Variants in OR13G1 observed in about 807,000 individuals in gnomAD.
OR13G1 encodes the protein olfactory receptor 13G1.
For synonymous variants in OR13G1, 128 were observed against 136.2 expected, an observed-to-expected ratio of 0.94 and a Z score of 0.42; for missense variants, 369 against 385.7, an observed-to-expected ratio of 0.96 and a Z score of 0.36.
At position 247,672,491 on chromosome 1, in the gene OR13G1, A is replaced by G. The variant is rs1659229767; in HGVS notation, c.551T>C (p.Leu184Ser). 6.2e-7 allele frequency: 1 copy of G among 1,614,170 alleles called. No individual in the cohort carries two copies. The highest frequency in any genetic ancestry group is 1.3e-5 in the African/African-American group (1 of 75,058). ...FFCEIPPLLA[L>S]SCSPVRINEV... ...ATTGATTCTTACAGGGCTACAGGACAAAGCCAGCAATGGGGGTATCTCACA... is the reference window on the plus strand; with the variant it reads ...ATTGATTCTTACAGGGCTACAGGACGAAGCCAGCAATGGGGGTATCTCACA... Residue 184 changes from leucine (L) to serine (S), a missense_variant, in exon 2 of 2, where the codon TTG becomes TCG. By Grantham distance (145) the Leu-to-Ser change is moderately radical. Coordinates refer to ENST00000642119, the MANE Select transcript of OR13G1 (RefSeq NM_001005487.2).
intron 1 of OR13G1, among the ~76,000 whole-genome samples, chr1:247,678,658 A>G (rs892406830): frequency 1.3e-5 from 2 of 152,234 alleles, no homozygotes; most frequent in Admixed American, 1.3e-4. Flanking sequence ...GAAAGTAGCT[A>G]CTTCTTAATT....
intron 1 of OR13G1, among the ~76,000 whole-genome samples, chr1:247,676,295 G>A (rs189678509): frequency 8.8e-4 from 134 of 152,104 alleles, no homozygotes; most frequent in African/African-American, 3.1e-3. Context: ...ATATAATTTT[G>A]AAAAATCATG....
intron 1 of OR13G1, among the ~76,000 whole-genome samples, chr1:247,679,378 A>G (rs1339625972): frequency 1.3e-5 from 2 of 152,120 alleles, no homozygotes; most frequent in Non-Finnish European, 2.9e-5. Flanking sequence ...ATGAAAGGAA[A>G]AATTTTGAAA....
chr1:247,676,344 G>A (rs2103158315), intron 1 of OR13G1, among the ~76,000 whole-genome samples: 1 of 152,154 alleles, frequency 6.6e-6, no homozygotes, highest in African/African-American at 2.4e-5. Context: ...TAATGAGGGA[G>A]TTTTTTACTA....
At chr1:247,675,676 C>T (rs1018412338) in intron 1 of OR13G1, among the ~76,000 whole-genome samples, 49 of 152,086 alleles carry the variant, frequency 3.2e-4, no homozygotes, top group African/African-American at 1.2e-3. Context: ...ACTATGAAAA[C>T]CTTGTTCAGG....
intron 1 of OR13G1, among the ~76,000 whole-genome samples, chr1:247,675,305 A>G (rs1295301238): frequency 6.6e-6 from 1 of 152,000 alleles, no homozygotes; most frequent in Admixed American, 6.6e-5. Flanking sequence ...TTATTTATCA[A>G]TGTTATTTAT....
chr1:247,678,392 C>T (rs766061238), intron 1 of OR13G1, among the ~76,000 whole-genome samples: 2 of 152,126 alleles, frequency 1.3e-5, no homozygotes, highest in South Asian at 4.1e-4. Flanking sequence ...TATCGGCACA[C>T]GTTTAAAGGG....
At chr1:247,678,121 T>C (rs1157952599) in intron 1 of OR13G1, among the ~76,000 whole-genome samples, 2 of 152,084 alleles carry the variant, frequency 1.3e-5, no homozygotes, top group East Asian at 1.9e-4. Flanking sequence ...ATTAATAATA[T>C]TTATGTCACT....
At position 247,673,185 on chromosome 1, in the gene OR13G1, T is replaced by A; in HGVS notation, c.-144A>T. The A allele has an allele frequency of 4.7e-6, 3 of 639,604 alleles. No individual in the cohort carries two copies. Among genetic ancestry groups the A allele is most frequent in the Non-Finnish European group, 8.1e-6 (3 of 372,304 alleles). 39.6% of individuals were successfully genotyped at this position (639,604 alleles called of 1,614,324 possible). On this transcript the variant is annotated 5_prime_UTR_variant, in exon 2 of 2. Transcript: ENST00000642119. ...ATTGGACACAACTTTGCAGCAGGAA[T>A]TCCCATTTGATGGAGTTCTGTATTC... is the stretch of plus-strand genomic sequence containing the variant.
rs938122106 is a variant in OR13G1, at chr1:247,673,108, T to C, written c.-67A>G. On this transcript the variant is annotated 5_prime_UTR_variant, in exon 2 of 2. Transcript: ENST00000642119. ...CAACTGAAAATGGAAAGAATCCCTG[T>C]GTTGTTAGGAGATAACATGAGGAGT... 3 of 1,232,074 alleles carry C rather than the reference T, an allele frequency of 2.4e-6. No homozygotes were observed. The highest frequency in any genetic ancestry group is 3.4e-6 in the Non-Finnish European group (3 of 872,516). The allele number at this position is 1,232,074 out of a possible 1,614,324, so 76.3% of individuals were successfully genotyped here. A position where few individuals can be genotyped will look rare whatever the true frequency, so the allele number is the denominator to read the frequency against.
chr1:247,674,407 C>G (rs993118783), intron 1 of OR13G1, among the ~76,000 whole-genome samples: 1 of 152,128 alleles, frequency 6.6e-6, no homozygotes, highest in Non-Finnish European at 1.5e-5. Flanking sequence ...TTTGAGTGTG[C>G]GTCCACAAAT....
At position 247,672,780 on chromosome 1, in the gene OR13G1, T is replaced by C. The variant is rs1413359811; in HGVS notation, c.262A>G (p.Thr88Ala). ...MLGTMLTSEN[T>A]ISYAGCMSQL... ...GACATGCAGCCTGCATATGAAATGG[T>C]ATTTTCTGATGTTAGCATGGTCCCC... is the stretch of plus-strand genomic sequence containing the variant. Residue 88 changes from threonine to alanine, a missense_variant, in exon 2 of 2, where the codon ACC becomes GCC. Thr to Ala is a moderately conservative substitution (Grantham distance 58). Transcript: ENST00000642119. 6.2e-7 allele frequency: 1 copy of C among 1,613,922 alleles called. No individual in the cohort carries two copies. Among genetic ancestry groups the C allele is most frequent in the Admixed American group, 1.7e-5 (1 of 59,926 alleles).
At position 247,673,015 on chromosome 1, in the gene OR13G1, G is replaced by A. The variant is rs760889320; in HGVS notation, c.27C>T (p.Phe9=). 66 of 1,612,610 alleles carry A rather than the reference G, an allele frequency of 4.1e-5. No homozygotes were observed. The highest frequency in any genetic ancestry group is 5.5e-5 in the Non-Finnish European group (65 of 1,179,328). MNHSVVTE[F]IILGLTKKPE... ...GCTTTTTGGTGAGGCCCAGAATAAT[G>A]AACTCAGTTACAACGCTGTGATTCA... The change falls in exon 2 of 2, where the codon TTC becomes TTT. Residue 9 remains phenylalanine (F), a synonymous_variant. Transcript: ENST00000642119.
Position 247,672,712 on chromosome 1 carries a change from A to G in OR13G1, c.330T>C (p.Val110=). Residue 110 remains valine (V), a synonymous_variant, in exon 2 of 2, where the codon GTT becomes GTC. Coordinates refer to ENST00000642119, the MANE Select transcript of OR13G1 (RefSeq NM_001005487.2). ...GGTCATAGGCCATGGTGGTGAAGAG[A>G]ACCATCTCAGCTCCCAGAGACCATG... ...LFTWSLGAEM[V]LFTTMAYDRY... 6.2e-7 allele frequency: 1 copy of G among 1,613,992 alleles called. No homozygotes were observed. The highest frequency in any genetic ancestry group is 1.1e-5 in the South Asian group (1 of 91,072).
chr1:247,673,505 T>TA (rs1336666903), intron 1 of OR13G1, among the ~76,000 whole-genome samples: 1 of 152,110 alleles, frequency 6.6e-6, no homozygotes, highest in Non-Finnish European at 1.5e-5. Flanking sequence ...GTCCTTGAGA[T>TA]ATACACGAGC....
At position 247,673,192 on chromosome 1, in the gene OR13G1, T is replaced by A. The variant is rs28607552; in HGVS notation, c.-151A>T. On this transcript the variant is annotated 5_prime_UTR_variant, in exon 2 of 2. Transcript: ENST00000642119. Reference sequence around the variant, plus strand: ...ACAACTTTGCAGCAGGAATTCCCATTTGATGGAGTTCTGTATTCCAGGCAA... The same window carrying A: ...ACAACTTTGCAGCAGGAATTCCCATATGATGGAGTTCTGTATTCCAGGCAA... 0.34 allele frequency: 211,328 copies of A among 617,350 alleles called. 36,794 individuals are homozygous for A. Among genetic ancestry groups the A allele is most frequent in the Middle Eastern group, 0.41 (1,183 of 2,898 alleles). 38.2% of individuals were successfully genotyped at this position (617,350 alleles called of 1,614,324 possible).
intron 1 of OR13G1, among the ~76,000 whole-genome samples, chr1:247,673,812 T>C (rs1376321094): frequency 6.6e-6 from 1 of 152,160 alleles, no homozygotes; most frequent in Non-Finnish European, 1.5e-5. Flanking sequence ...ATCATAGCTA[T>C]AGACTGGCCA....
At chr1:247,676,609 A>G (rs1248613222) in intron 1 of OR13G1, among the ~76,000 whole-genome samples, 1 of 152,200 alleles carries the variant, frequency 6.6e-6, no homozygotes, top group African/African-American at 2.4e-5. Flanking sequence ...AAAACAATGA[A>G]CAATAAACTA....
At chr1:247,676,728 A>C (rs78220899) in intron 1 of OR13G1, among the ~76,000 whole-genome samples, 4,087 of 152,294 alleles carry the variant, frequency 0.027, 183 homozygotes, top group African/African-American at 0.093. Context: ...ACTAACCAAA[A>C]ACATGAGTGT....
Sources: allele counts gnomAD v4.1 joint callset (sites outside exome capture counted in the v4.1 genomes callset), GRCh38; gene constraint gnomAD v4.1.1; transcripts MANE v1.5; gene names NCBI Gene and HGNC (gene_info 2026-07-23, HGNC 2026-07-21).